Variants in KANSL1 observed in about 807,000 individuals in gnomAD.
The protein encoded by KANSL1 is MLL1/MLL complex subunit KANSL1.
In KANSL1, 22 loss-of-function variants were observed where a neutral mutation model predicts 103.6. The observed-to-expected ratio is 0.21, with a 90% confidence interval of 0.15 to 0.30. KANSL1 has a LOEUF of 0.30. Among genes scored for constraint, KANSL1 ranks in the 10% least tolerant of loss-of-function variants. The pLI is 1.00. For missense variants in KANSL1, 1,337 were observed against 1,399.8 expected, an observed-to-expected ratio of 0.96 and a Z score of 0.72; for synonymous variants, 600 against 527.6, an observed-to-expected ratio of 1.14 and a Z score of -1.88.
intron 6 of KANSL1, among the ~76,000 whole-genome samples, chr17:46,053,879 G>A (rs1198373315): frequency 6.6e-6 from 1 of 152,084 alleles, no homozygotes; most frequent in Non-Finnish European, 1.5e-5. Context: ...CTCTTCCACT[G>A]AAACAAGATG....
At chr17:46,089,735 T>C (rs17660294) in intron 3 of KANSL1, among the ~76,000 whole-genome samples, 21,632 of 151,806 alleles carry the variant, frequency 0.14, 2,121 homozygotes, top group Non-Finnish European at 0.22. Context: ...ACTTGAGCAA[T>C]AGCTCTGCAC....
chr17:46,167,527 C>T (rs1415964779), intron 2 of KANSL1, among the ~76,000 whole-genome samples: 1 of 152,172 alleles, frequency 6.6e-6, no homozygotes, highest in Non-Finnish European at 1.5e-5. Context: ...ATATCAAACA[C>T]AACGTACTGC....
Position 46,066,719 on chromosome 17 carries a change from A to C in KANSL1, c.1666T>G (p.Leu556Val), listed in dbSNP as rs1219582451. 1 of 1,613,830 alleles carries C rather than the reference A, an allele frequency of 6.2e-7. No individual in the cohort carries two copies. Among genetic ancestry groups the C allele is most frequent in the Non-Finnish European group, 8.5e-7 (1 of 1,179,810 alleles). The change falls in exon 6 of 15, where the codon TTG becomes GTG. Residue 556 changes from leucine to valine, a missense_variant. Leu to Val is a conservative substitution (Grantham distance 32). Coordinates refer to ENST00000432791, the MANE Select transcript of KANSL1 (RefSeq NM_015443.4). ...NGVINTLQPV[L>V]ADHIPGDSSD... ...CTGTCACCTGGAATGTGGTCTGCCA[A>C]GACAGGCTGAAGACTATACAAGGGG... is the stretch of plus-strand genomic sequence containing the variant.
chr17:46,043,766 G>A (rs2077406924), intron 7 of KANSL1: 1 of 152,114 alleles, frequency 6.6e-6, no homozygotes, highest in Non-Finnish European at 1.5e-5. Context: ...TCAACTAAAT[G>A]CTCTTAAGTG....
At chr17:46,178,375 A>C (rs1175548645) in intron 1 of KANSL1, among the ~76,000 whole-genome samples, 1 of 152,284 alleles carries the variant, frequency 6.6e-6, no homozygotes, top group East Asian at 1.9e-4. Context: ...TGGGCAGTAG[A>C]ATTAGGGCTG....
rs573082498 is a variant in KANSL1 at position 46,170,683 on chromosome 17, C to T, written c.1289+172G>A. 1.5e-4 allele frequency: 104 copies of T among 709,714 alleles called. 1 individual carries two copies. The Middle Eastern group carries it at 1.7e-3, about 11-fold the overall frequency. 44.0% of individuals were successfully genotyped at this position (709,714 alleles called of 1,614,324 possible). A position where few individuals can be genotyped will look rare whatever the true frequency, so the allele number is the denominator to read the frequency against. ...TACAACCCTACAGCAAAAGTATCTTCCCCTTCTTCACTAGCATGTATATGC... is the reference window on the plus strand; with the variant it reads ...TACAACCCTACAGCAAAAGTATCTTTCCCTTCTTCACTAGCATGTATATGC... On this transcript the variant is annotated intron_variant, in intron 2 of 14. Coordinates refer to ENST00000432791, the MANE Select transcript of KANSL1 (RefSeq NM_015443.4).
chr17:46,153,030 G>C (rs1046169231), intron 2 of KANSL1: 2 of 152,196 alleles, frequency 1.3e-5, no homozygotes, highest in East Asian at 3.8e-4. Flanking sequence ...ACTTAAAGCA[G>C]TATTTTTTAA....
At chr17:46,149,876 G>T (rs1411546706) in intron 2 of KANSL1, among the ~76,000 whole-genome samples, 1 of 151,398 alleles carries the variant, frequency 6.6e-6, no homozygotes. Flanking sequence ...AAAAAAATTA[G>T]CCGGGTGTGG....
At chr17:46,182,406 A>G (rs1482566898) in intron 1 of KANSL1, among the ~76,000 whole-genome samples, 1 of 152,254 alleles carries the variant, frequency 6.6e-6, no homozygotes, top group Non-Finnish European at 1.5e-5. Context: ...AATGCACTGC[A>G]AAGTATTTAT....
chr17:46,101,151 G>A (rs2042296875), intron 2 of KANSL1, among the ~76,000 whole-genome samples: 1 of 151,998 alleles, frequency 6.6e-6, no homozygotes, highest in Non-Finnish European at 1.5e-5. Context: ...ACAATTGCCA[G>A]ATTAACAGTT....
intron 7 of KANSL1, chr17:46,045,575 G>A (rs2077477208): frequency 6.6e-6 from 1 of 152,042 alleles, no homozygotes; most frequent in African/African-American, 2.4e-5. Flanking sequence ...TTAGATGCAG[G>A]AAAATAAAAA....
intron 2 of KANSL1, among the ~76,000 whole-genome samples, chr17:46,098,339 C>T (rs1214202585): frequency 2.0e-5 from 3 of 152,200 alleles, no homozygotes; most frequent in African/African-American, 4.8e-5. Context: ...CACTGGGCAA[C>T]CCCAACAGCC....
intron 1 of KANSL1, among the ~76,000 whole-genome samples, chr17:46,176,302 A>T (rs1399595358): frequency 6.6e-6 from 1 of 152,248 alleles, no homozygotes; most frequent in African/African-American, 2.4e-5. Flanking sequence ...ACATCACATC[A>T]CAGAAGGTGC....
intron 1 of KANSL1, among the ~76,000 whole-genome samples, chr17:46,187,227 CA>C (rs2047076425): frequency 6.6e-6 from 1 of 152,232 alleles, no homozygotes; most frequent in African/African-American, 2.4e-5. Flanking sequence ...ATCCTAACAA[CA>C]AAATTGTTAT....
At chr17:46,191,315 T>G (rs939317778) in intron 1 of KANSL1, among the ~76,000 whole-genome samples, 1 of 152,186 alleles carries the variant, frequency 6.6e-6, no homozygotes, top group Non-Finnish European at 1.5e-5. Flanking sequence ...GTTGATAGGT[T>G]AAAAAAATAG....
chr17:46,195,215 A>G (rs2047565435), upstream of KANSL1, among the ~76,000 whole-genome samples: 1 of 152,270 alleles, frequency 6.6e-6, no homozygotes, highest in South Asian at 2.1e-4. Flanking sequence ...AATGAAAAAT[A>G]CCAAATAAGG....
chr17:46,064,053 T>TAAAAAAAAAAA (rs58111244), intron 6 of KANSL1, among the ~76,000 whole-genome samples: 4 of 105,720 alleles, frequency 3.8e-5, no homozygotes, highest in Non-Finnish European at 5.7e-5. Flanking sequence ...CGACTATTAG[T>TAAAAAAAAAAA]AAAAAAAAAA....
At chr17:46,092,076 T>C (rs1285787989) in intron 3 of KANSL1, among the ~76,000 whole-genome samples, 2 of 152,162 alleles carry the variant, frequency 1.3e-5, no homozygotes, top group African/African-American at 2.4e-5. Flanking sequence ...CACCTTGGAC[T>C]CCCATGCCTC....
chr17:46,064,979 TG>T (rs1241409553), intron 6 of KANSL1, among the ~76,000 whole-genome samples: 2 of 152,072 alleles, frequency 1.3e-5, no homozygotes, highest in East Asian at 1.9e-4. Flanking sequence ...TTTGTTTTTT[TG>T]TTTTTTTAAA....
Sources: gnomAD v4.1 joint callset for allele counts (sites outside exome capture counted in the v4.1 genomes callset) on GRCh38, gnomAD v4.1.1 for gene constraint, MANE v1.5 for transcripts, NCBI Gene and HGNC (gene_info 2026-07-23, HGNC 2026-07-21) for gene names.